Variants in ANKS1B observed in about 807,000 individuals in gnomAD.
ANKS1B encodes ankyrin repeat and sterile alpha motif domain containing 1B.
Under a neutral mutation model 148.3 loss-of-function variants are expected in ANKS1B, and 36 were observed. That is an observed-to-expected ratio of 0.24 (90% confidence interval 0.19 to 0.32). The LOEUF (loss-of-function observed/expected upper bound fraction) is 0.32, where lower values mean the gene tolerates loss of function less well. Ranked by LOEUF, ANKS1B falls within the 10% of genes least tolerant of loss-of-function variation. The pLI is 1.00. For synonymous variants in ANKS1B, 542 were observed against 560.8 expected, an observed-to-expected ratio of 0.97 and a Z score of 0.47; for missense variants, 1,157 against 1,542.6, an observed-to-expected ratio of 0.75 and a Z score of 4.19.
chr12:98,759,338 T>C (rs922368572), intron 25 of ANKS1B, among the ~76,000 whole-genome samples: 1 of 152,154 alleles, frequency 6.6e-6, no homozygotes, highest in Admixed American at 6.5e-5. Flanking sequence ...GCCTAGCCTA[T>C]AGACAATGTC....
At chr12:99,076,775 T>G (rs943829108) in intron 16 of ANKS1B, among the ~76,000 whole-genome samples, 2 of 152,208 alleles carry the variant, frequency 1.3e-5, no homozygotes, top group South Asian at 4.1e-4. Flanking sequence ...GGATATTTAT[T>G]GATAAGTTAC....
At chr12:98,761,277 T>C (rs1230598575) in intron 25 of ANKS1B, among the ~76,000 whole-genome samples, 1 of 152,242 alleles carries the variant, frequency 6.6e-6, no homozygotes, top group East Asian at 1.9e-4. Context: ...GGAGATTCAC[T>C]GTACAAATGT....
intron 12 of ANKS1B, among the ~76,000 whole-genome samples, chr12:99,267,585 T>TCA (rs1247626218): frequency 7.2e-5 from 11 of 152,148 alleles, no homozygotes; most frequent in South Asian, 2.1e-4. Flanking sequence ...ATTCATTCAT[T>TCA]TATTCAATCT....
chr12:99,473,598 T>C (rs1438072825), intron 10 of ANKS1B, among the ~76,000 whole-genome samples: 1 of 152,064 alleles, frequency 6.6e-6, no homozygotes, highest in Non-Finnish European at 1.5e-5. Flanking sequence ...ATACTTGATA[T>C]TGTCAGAACT....
In ANKS1B at chr12:99,125,564, T is replaced by G. The variant is rs146508797; in HGVS notation, c.2526+28725A>C. ...GGCTGTACTACTGATGAGACTGATT[T>G]AGGCAAGAGTTCTGGGCATGAATTG... On this transcript the variant is annotated intron_variant, in intron 15 of 26. Coordinates refer to ENST00000683438, the MANE Select transcript of ANKS1B (RefSeq NM_001352186.2). 4.0e-3 allele frequency among the ~76,000 whole-genome samples: 614 copies of G among 152,258 alleles called. 4 individuals carry two copies. The highest frequency in any genetic ancestry group is 0.014 in the African/African-American group (588 of 41,542).
chr12:99,936,396 C>T (rs2094771222), intron 1 of ANKS1B, among the ~76,000 whole-genome samples: 1 of 152,180 alleles, frequency 6.6e-6, no homozygotes, highest in South Asian at 2.1e-4. Context: ...CCTGTAATCC[C>T]AGCACTTTGG....
intron 12 of ANKS1B, among the ~76,000 whole-genome samples, chr12:99,285,519 G>C (rs754583049): frequency 1.3e-5 from 2 of 152,158 alleles, no homozygotes; most frequent in Non-Finnish European, 2.9e-5. Flanking sequence ...GAAGCAAAAT[G>C]ACTGAATAGA....
chr12:99,402,003 T>A (rs1295565758), intron 11 of ANKS1B, among the ~76,000 whole-genome samples: 2 of 146,720 alleles, frequency 1.4e-5, no homozygotes, highest in East Asian at 3.9e-4. Context: ...GCAACACAGG[T>A]CATATTTTCC....
chr12:99,565,391 A>AC (rs1323602789), intron 9 of ANKS1B, among the ~76,000 whole-genome samples: 11 of 152,016 alleles, frequency 7.2e-5, no homozygotes, highest in Non-Finnish European at 8.8e-5. Flanking sequence ...CCTTCTTCAA[A>AC]CCCCCCAACC....
chr12:99,033,953 G>A (rs1333819985), intron 17 of ANKS1B, among the ~76,000 whole-genome samples: 1 of 152,238 alleles, frequency 6.6e-6, no homozygotes, highest in African/African-American at 2.4e-5. Flanking sequence ...GAGAAGTGCT[G>A]AGGACTAGAA....
At chr12:98,905,285 A>C (rs1179270217) in intron 17 of ANKS1B, among the ~76,000 whole-genome samples, 2 of 152,238 alleles carry the variant, frequency 1.3e-5, no homozygotes, top group African/African-American at 4.8e-5. Context: ...GGACTTTGTC[A>C]GAACAGTGAC....
chr12:99,444,389 T>C (rs977089019), intron 10 of ANKS1B, among the ~76,000 whole-genome samples: 2 of 151,960 alleles, frequency 1.3e-5, no homozygotes, highest in African/African-American at 2.4e-5. Flanking sequence ...CACTCCTAGA[T>C]AAGTATAGCA....
intron 9 of ANKS1B, among the ~76,000 whole-genome samples, chr12:99,523,234 A>C (rs1322153977): frequency 6.6e-6 from 1 of 152,162 alleles, no homozygotes; most frequent in Non-Finnish European, 1.5e-5. Context: ...GACCAAATGG[A>C]CCGTTTTCTG....
chr12:99,555,141 T>C (rs117770910), intron 9 of ANKS1B, among the ~76,000 whole-genome samples: 8,697 of 152,220 alleles, frequency 0.057, 366 homozygotes, highest in East Asian at 0.24. Context: ...GTCTTTATGG[T>C]AGAACAATTT....
At chr12:98,835,366 C>T (rs1566998920) in intron 17 of ANKS1B, among the ~76,000 whole-genome samples, 1 of 152,178 alleles carries the variant, frequency 6.6e-6, no homozygotes, top group African/African-American at 2.4e-5. Context: ...GAAGAAGCAA[C>T]TTTCACAGTG....
At chr12:99,145,078 G>A (rs2072540526) in intron 15 of ANKS1B, among the ~76,000 whole-genome samples, 2 of 152,086 alleles carry the variant, frequency 1.3e-5, no homozygotes, top group African/African-American at 4.8e-5. Flanking sequence ...AAGAAGTTTG[G>A]AAAAGAAGCA....
intron 14 of ANKS1B, among the ~76,000 whole-genome samples, chr12:99,198,492 CA>C (rs1334053397): frequency 6.6e-6 from 1 of 152,134 alleles, no homozygotes; most frequent in African/African-American, 2.4e-5. Context: ...GGTCAATTGT[CA>C]AATAACTTGA....
At chr12:99,154,956 T>G in intron 14 of ANKS1B, 1 of 1,535,442 alleles carries the variant, frequency 6.5e-7, no homozygotes, top group Non-Finnish European at 8.7e-7. Context: ...CTGCTGCTGC[T>G]TCCTCCTACA....
intron 8 of ANKS1B, among the ~76,000 whole-genome samples, chr12:99,767,046 A>G (rs1257931849): frequency 3.3e-5 from 5 of 152,156 alleles, no homozygotes; most frequent in Non-Finnish European, 7.4e-5. Context: ...TATATTTTCC[A>G]AAAGTAGGGA....
Sources: gnomAD v4.1 joint callset for allele counts (sites outside exome capture counted in the v4.1 genomes callset) on GRCh38, gnomAD v4.1.1 for gene constraint, MANE v1.5 for transcripts, NCBI Gene and HGNC (gene_info 2026-07-23, HGNC 2026-07-21) for gene names.